LGALS9: variants seen among roughly 807,000 people sequenced by gnomAD.
LGALS9 encodes the protein galectin-9.
LGALS9 carries 26 observed loss-of-function variants against 35.9 expected under a neutral mutation model. That is an observed-to-expected ratio of 0.72 (90% CI 0.53 to 1.01). The LOEUF is 1.01. LGALS9 is among the 50% of genes least tolerant of loss of function. The pLI, the probability that LGALS9 is intolerant of heterozygous loss-of-function variation, is 0.00. For synonymous variants in LGALS9, 149 were observed against 172.2 expected, an observed-to-expected ratio of 0.87 and a Z score of 1.06; for missense variants, 347 against 445.8, an observed-to-expected ratio of 0.78 and a Z score of 1.99.
intron 7 of LGALS9, 114 bp from the exon 8 acceptor site, chr17:27,646,433 G>A: frequency 1.3e-6 from 2 of 1,528,588 alleles, no homozygotes; most frequent in Non-Finnish European, 1.8e-6. Flanking sequence ...AGGGCCAAAG[G>A]CTCACGAGGT....
At chr17:27,641,898 A>C (rs188880533) in intron 3 of LGALS9, among the ~76,000 whole-genome samples, 1 of 152,002 alleles carries the variant, frequency 6.6e-6, no homozygotes, top group Non-Finnish European at 1.5e-5. Context: ...CACTTGACCC[A>C]CTGCACTCCA....
intron 8 of LGALS9, 104 bp from the exon 9 acceptor site, chr17:27,646,921 CAAGTA>C: frequency 1.3e-6 from 2 of 1,509,352 alleles, no homozygotes; most frequent in Non-Finnish European, 1.8e-6. Flanking sequence ...TTTATGGAAC[CAAGTA>C]AAGATATCAT....
At chr17:27,633,142 G>T (rs966429473) in intron 1 of LGALS9, among the ~76,000 whole-genome samples, 12 of 152,202 alleles carry the variant, frequency 7.9e-5, no homozygotes, top group African/African-American at 2.7e-4. Flanking sequence ...TAGAAGCGTG[G>T]GTGCTGGGGT....
chr17:27,646,530 T>C lies in LGALS9; in HGVS notation c.628-17T>C, dbSNP rs374630261. On this transcript the variant is annotated splice_polypyrimidine_tract_variant and intron_variant, in intron 7 of 10. Transcript: ENST00000395473. The stretch of plus-strand genomic sequence containing the variant: ...CCATGTGCTCTCCCATTGAATTTCC[T>C]GGTTTCTTTTCAACAGACTCCCGCC... The C allele has an allele frequency of 2.9e-4, 472 of 1,611,922 alleles. 1 individual carries two copies. The highest frequency in any genetic ancestry group is 3.9e-4 in the Non-Finnish European group (456 of 1,179,872).
intron 5 of LGALS9, chr17:27,645,070 G>C: frequency 1.5e-6 from 1 of 650,638 alleles, no homozygotes. Context: ...ATCAAACCCA[G>C]TCTCCTCTCT....
chr17:27,645,207 G>A (rs927597708), intron 5 of LGALS9, 107 bp from the exon 6 acceptor site: 80 of 1,589,130 alleles, frequency 5.0e-5, no homozygotes, highest in African/African-American at 1.3e-4. Context: ...GGGTGTGTCC[G>A]GGGAGGCATT....
At chr17:27,648,246 A>G (rs1415665436) in intron 10 of LGALS9, among the ~76,000 whole-genome samples, 1 of 152,270 alleles carries the variant, frequency 6.6e-6, no homozygotes, top group Non-Finnish European at 1.5e-5. Context: ...GTTTCAAGCC[A>G]GGGAGCAACA....
chr17:27,641,209 G>A (rs1369390672), intron 3 of LGALS9, among the ~76,000 whole-genome samples: 1 of 151,958 alleles, frequency 6.6e-6, no homozygotes, highest in African/African-American at 2.4e-5. Flanking sequence ...TAGGTCTCTG[G>A]GCTTGAGAAG....
At chr17:27,632,501 G>A (rs538114064) in intron 1 of LGALS9, among the ~76,000 whole-genome samples, 381 of 152,336 alleles carry the variant, frequency 2.5e-3, no homozygotes, top group Non-Finnish European at 4.4e-3. Flanking sequence ...CAGCCACCCT[G>A]TGGAGGCCCC....
At chr17:27,646,910 T>G in intron 8 of LGALS9, 120 bp from the exon 9 acceptor site, 8 of 1,469,044 alleles carry the variant, frequency 5.4e-6, no homozygotes, top group Non-Finnish European at 7.4e-6. Context: ...TTCCTTTGGC[T>G]TTTATGGAAC....
intron 2 of LGALS9, chr17:27,640,241 C>CAA (rs1345157336): frequency 5.1e-6 from 2 of 392,138 alleles, no homozygotes; most frequent in African/African-American, 4.1e-5. Context: ...GCTCTCTCTT[C>CAA]TAGGTGTGCT....
In LGALS9 at chr17:27,640,727, G is replaced by T; in HGVS notation, c.287G>T (p.Gly96Val). 6.2e-7 allele frequency: 1 copy of T among 1,614,174 alleles called. No individual in the cohort carries two copies. Among genetic ancestry groups the T allele is most frequent in the Non-Finnish European group, 8.5e-7 (1 of 1,180,022 alleles). Reference sequence around the variant, plus strand: ...AAGACACACATGCCTTTCCAGAAGGGGATGCCCTTTGACCTCTGCTTCCTG... The same window carrying T: ...AAGACACACATGCCTTTCCAGAAGGTGATGCCCTTTGACCTCTGCTTCCTG... ...ERKTHMPFQK[G>V]MPFDLCFLVQ... is the part of the protein sequence containing the mutation. The change falls in exon 3 of 11, where the codon GGG becomes GTG. Residue 96 changes from glycine (G) to valine (V), a missense_variant. Gly to Val is a moderately radical substitution (Grantham distance 109). Coordinates refer to ENST00000395473, the MANE Select transcript of LGALS9 (RefSeq NM_009587.3).
At chr17:27,639,272 T>C (rs1598181993) in intron 2 of LGALS9, among the ~76,000 whole-genome samples, 1 of 152,166 alleles carries the variant, frequency 6.6e-6, no homozygotes, top group Non-Finnish European at 1.5e-5. Context: ...GAGGCCCCGA[T>C]CTCCCTGAAC....
chr17:27,641,479 G>A (rs910903073), intron 3 of LGALS9, among the ~76,000 whole-genome samples: 2 of 152,142 alleles, frequency 1.3e-5, no homozygotes, highest in Non-Finnish European at 2.9e-5. Flanking sequence ...GGAGCTGAAC[G>A]ATGAGAACAC....
chr17:27,635,483 TA>T (rs1188991421), intron 1 of LGALS9, among the ~76,000 whole-genome samples: 1 of 148,174 alleles, frequency 6.7e-6, no homozygotes, highest in Non-Finnish European at 1.5e-5. Context: ...AATAAATAAA[TA>T]AATAATCTTG....
Position 27,640,650 on chromosome 17 carries a change from G to A in LGALS9, c.210G>A (p.Gly70=), listed in dbSNP as rs1904400088. The part of the protein sequence containing the change: ...FHFNPRFEDG[G]YVVCNTRQNG... ...TCAACCCTCGGTTTGAAGATGGAGG[G>A]TACGTGGTGTGCAACACGAGGCAGA... The change falls in exon 3 of 11, where the codon GGG becomes GGA. Residue 70 remains glycine (G), a synonymous_variant. Transcript: ENST00000395473. 1 of 1,614,118 alleles carries A rather than the reference G, an allele frequency of 6.2e-7. No homozygotes were observed. The highest frequency in any genetic ancestry group is 1.3e-5 in the African/African-American group (1 of 74,944).
chr17:27,645,213 G>C, intron 5 of LGALS9, 101 bp from the exon 6 acceptor site: 1 of 1,590,630 alleles, frequency 6.3e-7, no homozygotes, highest in Non-Finnish European at 8.6e-7. Context: ...GTCCGGGGAG[G>C]CATTTCTGAG....
In LGALS9 at chr17:27,636,050, C is replaced by T. The variant is rs955307820; in HGVS notation, c.40-2213C>T. Among the ~76,000 whole-genome samples the T allele has an allele frequency of 5.2e-4, 79 of 152,206 alleles. 1 individual carries two copies. Among genetic ancestry groups the T allele is most frequent in the Non-Finnish European group, 2.9e-4 (20 of 68,038 alleles). On this transcript the variant is annotated intron_variant, in intron 1 of 10. Transcript: ENST00000395473. ...CTGAGGGGCAACAAAAGACACCCCC[C>T]TCAAATCCATGGGGAGCAGAGTCTA...
intron 7 of LGALS9, 87 bp from the exon 8 acceptor site, chr17:27,646,459 GT>G (rs1383293912): frequency 2.9e-5 from 47 of 1,596,074 alleles, no homozygotes; most frequent in Middle Eastern, 2.3e-4. Flanking sequence ...TCACAGTGGA[GT>G]CCTCTCTAGA....
Sources: gnomAD v4.1 joint callset for allele counts (sites outside exome capture counted in the v4.1 genomes callset) on GRCh38, gnomAD v4.1.1 for gene constraint, MANE v1.5 for transcripts, NCBI Gene and HGNC (gene_info 2026-07-23, HGNC 2026-07-21) for gene names.